PPP3CB: variants seen among roughly 807,000 people sequenced by gnomAD.
The protein encoded by PPP3CB is protein phosphatase 3 catalytic subunit beta, also known as serine/threonine-protein phosphatase 2B catalytic subunit beta isoform.
Under a neutral mutation model 66.4 loss-of-function variants are expected in PPP3CB, and 8 were observed. The observed-to-expected ratio is 0.12, with a 90% CI of 0.07 to 0.22. The LOEUF (loss-of-function observed/expected upper bound fraction) is 0.22, where lower values mean the gene tolerates loss of function less well. Among genes scored for constraint, PPP3CB ranks in the 10% least tolerant of loss-of-function variants. The probability of loss-of-function intolerance (pLI) is 1.00; values close to 1 mark genes in which losing one functional copy is unlikely to be tolerated. For missense variants in PPP3CB, 319 were observed against 642.5 expected, an observed-to-expected ratio of 0.50 and a Z score of 5.44; for synonymous variants, 208 against 221.2, an observed-to-expected ratio of 0.94 and a Z score of 0.53.
intron 1 of PPP3CB, among the ~76,000 whole-genome samples, chr10:73,489,440 GTTACCATTGGTTGAGTAC>G (rs2133039292): frequency 7.9e-6 from 1 of 127,104 alleles, no homozygotes; most frequent in South Asian, 2.9e-4. Context: ...AATGGTGATG[GTTACCATTGGTTGAGTAC>G]TTACCATGTG....
chr10:73,444,875 TAAAAGAA>T, intron 11 of PPP3CB, 53 bp from the exon 12 acceptor site: 1 of 1,569,242 alleles, frequency 6.4e-7, no homozygotes, highest in Non-Finnish European at 8.7e-7. Context: ...GTACTTAATT[TAAAAGAA>T]GACATAGGGT....
intron 1 of PPP3CB, among the ~76,000 whole-genome samples, chr10:73,485,552 C>T (rs2056957533): frequency 6.6e-6 from 1 of 152,186 alleles, no homozygotes; most frequent in African/African-American, 2.4e-5. Flanking sequence ...TCATGCTTCC[C>T]ATCATTGCCA....
chr10:73,455,326 C>T (rs2056408702), intron 9 of PPP3CB, among the ~76,000 whole-genome samples: 2 of 152,158 alleles, frequency 1.3e-5, no homozygotes, highest in Non-Finnish European at 2.9e-5. Flanking sequence ...CTTCTCTTTT[C>T]CCTTGGTTCC....
At chr10:73,456,062 T>A (rs184011545) in intron 9 of PPP3CB, among the ~76,000 whole-genome samples, 370 of 152,292 alleles carry the variant, frequency 2.4e-3, no homozygotes, top group African/African-American at 8.4e-3. Context: ...AAATTTCAAT[T>A]AATAAATAAA....
At position 73,462,140 on chromosome 10, in the gene PPP3CB, C is replaced by CTT. The variant is rs1019088638; in HGVS notation, c.1108+5411_1108+5412dup. 9.1e-3 allele frequency among the ~76,000 whole-genome samples: 859 copies of CTT among 94,212 alleles called. 57 individuals carry two copies. Among genetic ancestry groups the CTT allele is most frequent in the Admixed American group, 0.027 (206 of 7,694 alleles). 61.8% of individuals were successfully genotyped at this position (94,212 alleles called of 152,430 possible). A position where few individuals can be genotyped will look rare whatever the true frequency, so the allele number is the denominator to read the frequency against. ...GAACCACGAGCCAATTAAACTCCTT[C>CTT]TTTTTTTTTTTTTTTTTTTTTTTTT... On this transcript the variant is annotated intron_variant, in intron 9 of 13. Transcript: ENST00000360663.
chr10:73,484,014 C>T (rs1359765816), intron 1 of PPP3CB, among the ~76,000 whole-genome samples: 2 of 151,050 alleles, frequency 1.3e-5, no homozygotes, highest in Non-Finnish European at 3.0e-5. Context: ...TGTGGTGTCG[C>T]GCCTGTAGTC....
At chr10:73,457,115 G>C (rs1480811569) in intron 9 of PPP3CB, among the ~76,000 whole-genome samples, 1 of 151,416 alleles carries the variant, frequency 6.6e-6, no homozygotes, top group African/African-American at 2.4e-5. Flanking sequence ...GAAAACTTTT[G>C]TGCTTCAAAG....
At chr10:73,450,489 C>A (rs917326479) in intron 10 of PPP3CB, among the ~76,000 whole-genome samples, 2 of 152,226 alleles carry the variant, frequency 1.3e-5, no homozygotes, top group African/African-American at 4.8e-5. Context: ...ACATTCTTTT[C>A]TCTTTCAAAC....
intron 12 of PPP3CB, among the ~76,000 whole-genome samples, chr10:73,440,903 CT>C (rs35955367): frequency 3.3e-5 from 5 of 152,122 alleles, no homozygotes; most frequent in Non-Finnish European, 7.4e-5. Flanking sequence ...GTCAAAGATT[CT>C]TTTTTTCGCT....
In PPP3CB at chr10:73,474,855, T is replaced by C. The variant is rs150824820; in HGVS notation, c.523+64A>G. On this transcript the variant is annotated intron_variant, in intron 4 of 13. Coordinates refer to ENST00000360663, the MANE Select transcript of PPP3CB (RefSeq NM_021132.4). Reference sequence around the variant, plus strand: ...TGCACTGTAAAGTCTTCAAAACTCTTACTACCCACTTAAGTCCAAAAGAAT... The same window carrying C: ...TGCACTGTAAAGTCTTCAAAACTCTCACTACCCACTTAAGTCCAAAAGAAT... 23 of 1,581,552 alleles carry C rather than the reference T, an allele frequency of 1.5e-5. No individual in the cohort carries two copies. The East Asian group carries it at 2.0e-4, about 14-fold the overall frequency.
rs769625408 is a variant in PPP3CB, at chr10:73,448,388, GGAA to G, written c.1187-1818_1187-1816del. 9.3e-4 allele frequency among the ~76,000 whole-genome samples: 142 copies of G among 152,060 alleles called. 1 individual carries two copies. The highest frequency in any genetic ancestry group is 5.4e-3 in the South Asian group (26 of 4,806). On this transcript the variant is annotated intron_variant, in intron 10 of 13. Coordinates refer to ENST00000360663, the MANE Select transcript of PPP3CB (RefSeq NM_021132.4). ...CAATCAAACAACCCTAATCATGCAGGGAAAAGTACAAAACATTACAAATAAGCA... is the reference window on the plus strand; with the variant it reads ...CAATCAAACAACCCTAATCATGCAGGAAGTACAAAACATTACAAATAAGCA...
At chr10:73,453,244 AAAG>A (rs2056373816) in intron 10 of PPP3CB, among the ~76,000 whole-genome samples, 1 of 152,214 alleles carries the variant, frequency 6.6e-6, no homozygotes. Context: ...GATGAAGCTA[AAAG>A]AATTACAGAG....
At chr10:73,494,961 T>C (rs2057159015) in intron 1 of PPP3CB, among the ~76,000 whole-genome samples, 1 of 152,208 alleles carries the variant, frequency 6.6e-6, no homozygotes. Flanking sequence ...AACTCTCAAT[T>C]AGCCCTCAAT....
At chr10:73,472,114 T>C (rs2056711016) in intron 4 of PPP3CB, among the ~76,000 whole-genome samples, 1 of 152,232 alleles carries the variant, frequency 6.6e-6, no homozygotes, top group African/African-American at 2.4e-5. Context: ...GATGATGTTA[T>C]GTCTTATGAA....
chr10:73,468,017 A>G (rs748516622), intron 8 of PPP3CB, among the ~76,000 whole-genome samples: 1 of 152,182 alleles, frequency 6.6e-6, no homozygotes, highest in Non-Finnish European at 1.5e-5. Flanking sequence ...TTTAGAGGAA[A>G]CACAGAATGG....
intron 1 of PPP3CB, among the ~76,000 whole-genome samples, chr10:73,493,275 C>CAAAAAAAAAAAAA (rs544990577): frequency 9.4e-6 from 1 of 105,920 alleles, no homozygotes; most frequent in Admixed American, 1.0e-4. Context: ...AACTCCGTCT[C>CAAAAAAAAAAAAA]AAAAAAAAAA....
At chr10:73,495,637 C>G (rs560289241) in intron 1 of PPP3CB, 168 bp downstream of exon 1, 23 of 1,025,624 alleles carry the variant, frequency 2.2e-5, no homozygotes, top group Admixed American at 4.6e-5. Context: ...CCACTGCCAC[C>G]GACTCAGCCC....
chr10:73,450,362 GA>G (rs1454791780), intron 10 of PPP3CB, among the ~76,000 whole-genome samples: 1 of 152,156 alleles, frequency 6.6e-6, no homozygotes, highest in Non-Finnish European at 1.5e-5. Context: ...TTAGAGGGAA[GA>G]AATCAGGGAG....
intron 3 of PPP3CB, among the ~76,000 whole-genome samples, chr10:73,476,129 G>A (rs1412867341): frequency 4.0e-5 from 6 of 151,636 alleles, no homozygotes; most frequent in African/African-American, 9.7e-5. Flanking sequence ...CCTGTGCTGC[G>A]ATTACAGGTG....
Sources: gnomAD v4.1 joint callset for allele counts (sites outside exome capture counted in the v4.1 genomes callset) on GRCh38, gnomAD v4.1.1 for gene constraint, MANE v1.5 for transcripts, NCBI Gene and HGNC (gene_info 2026-07-23, HGNC 2026-07-21) for gene names.